Variants in CENPK observed in about 807,000 individuals in gnomAD.
CENPK encodes the protein centromere protein K.
Under a neutral mutation model 40.9 loss-of-function variants are expected in CENPK, and 46 were observed. That is an observed-to-expected ratio of 1.13 (90% CI 0.89 to 1.44). CENPK has a LOEUF of 1.44. Among genes scored for constraint, CENPK ranks in the 40% most tolerant of loss-of-function variants. The pLI is 0.00. For missense variants in CENPK, 288 were observed against 303.5 expected (o/e 0.95, Z 0.38); for synonymous variants, 107 against 104.4 (o/e 1.02, Z -0.15).
intron 6 of CENPK, among the ~76,000 whole-genome samples, chr5:65,538,521 T>C (rs1316112334): frequency 6.6e-6 from 1 of 152,186 alleles, no homozygotes; most frequent in Non-Finnish European, 1.5e-5. Flanking sequence ...TTCTCACTTT[T>C]ACTATACATT....
chr5:65,510,600 C>A, the CENPK span, among the ~76,000 whole-genome samples: 1 of 151,934 alleles, frequency 6.6e-6, no homozygotes, highest in African/African-American at 2.4e-5. Flanking sequence ...CATGGTGAGA[C>A]CCCGTTTCTA....
the CENPK span, among the ~76,000 whole-genome samples, chr5:65,503,861 T>C: frequency 1.3e-5 from 2 of 151,868 alleles, no homozygotes; most frequent in Non-Finnish European, 2.9e-5. Flanking sequence ...TTTCACCATA[T>C]TGGTCAGACT....
chr5:65,499,057 C>T, the CENPK span, among the ~76,000 whole-genome samples: 4 of 151,442 alleles, frequency 2.6e-5, no homozygotes, highest in African/African-American at 9.7e-5. Context: ...ATGAGGCCTC[C>T]CTTTATTGCC....
chr5:65,502,840 C>G, the CENPK span, among the ~76,000 whole-genome samples: 1 of 151,950 alleles, frequency 6.6e-6, no homozygotes, highest in Admixed American at 6.6e-5. Context: ...CAGTCTTGCT[C>G]TGTCACCCAG....
At chr5:65,553,084 G>GA (rs796945281) in intron 3 of CENPK, among the ~76,000 whole-genome samples, 95 of 151,876 alleles carry the variant, frequency 6.3e-4, no homozygotes, top group African/African-American at 2.3e-3. Flanking sequence ...CTTCTATACT[G>GA]AAAAAATACC....
At chr5:65,519,189 G>C (rs1014256210) in intron 10 of CENPK, among the ~76,000 whole-genome samples, 3 of 152,042 alleles carry the variant, frequency 2.0e-5, no homozygotes, top group African/African-American at 7.2e-5. Context: ...AATTATATAG[G>C]CTAGCATTTT....
intron 5 of CENPK, among the ~76,000 whole-genome samples, chr5:65,544,629 G>A (rs1221021616): frequency 1.9e-4 from 29 of 152,100 alleles, no homozygotes; most frequent in Non-Finnish European, 1.2e-4. Flanking sequence ...TGAAGCAACC[G>A]AAGTTTCCGT....
At chr5:65,504,619 G>A in the CENPK span, among the ~76,000 whole-genome samples, 3 of 151,988 alleles carry the variant, frequency 2.0e-5, no homozygotes, top group African/African-American at 7.2e-5. Flanking sequence ...ACTATGAATA[G>A]GCTAATACAA....
chr5:65,535,616 A>G (rs1380648317), intron 6 of CENPK, among the ~76,000 whole-genome samples: 1 of 152,216 alleles, frequency 6.6e-6, no homozygotes, highest in Non-Finnish European at 1.5e-5. Flanking sequence ...CACGTCACAC[A>G]TAGTTGCAGG....
At chr5:65,550,148 C>A (rs1319391324) in intron 5 of CENPK, among the ~76,000 whole-genome samples, 1 of 128,430 alleles carries the variant, frequency 7.8e-6, no homozygotes, top group Non-Finnish European at 1.6e-5. Context: ...AGCCTGAGGG[C>A]AGTGCAACAG....
intron 5 of CENPK, among the ~76,000 whole-genome samples, chr5:65,545,211 C>A (rs1441825477): frequency 6.6e-6 from 1 of 151,948 alleles, no homozygotes; most frequent in East Asian, 1.9e-4. Flanking sequence ...TAAATCCACA[C>A]ATTCAGGAAT....
chr5:65,532,910 C>CAA (rs60713724), intron 6 of CENPK, among the ~76,000 whole-genome samples: 688 of 36,974 alleles, frequency 0.019, 163 homozygotes, highest in East Asian at 0.077. Flanking sequence ...ACTCCATCTC[C>CAA]AAAAAAAAAA....
chr5:65,515,034 C>A (rs1314629367), downstream of CENPK, among the ~76,000 whole-genome samples: 1 of 151,518 alleles, frequency 6.6e-6, no homozygotes, highest in Non-Finnish European at 1.5e-5. Flanking sequence ...GTTTTTGTTT[C>A]AATTTTATTG....
chr5:65,545,382 G>T (rs897047911), intron 5 of CENPK, among the ~76,000 whole-genome samples: 1 of 127,484 alleles, frequency 7.8e-6, no homozygotes, highest in Non-Finnish European at 1.6e-5. Flanking sequence ...ACACACACAC[G>T]CCTTCTCTAT....
intron 9 of CENPK, among the ~76,000 whole-genome samples, chr5:65,527,996 T>C (rs997283021): frequency 6.6e-6 from 1 of 152,148 alleles, no homozygotes; most frequent in Admixed American, 6.5e-5. Flanking sequence ...ATCGTCCCAC[T>C]TGGGAGGCCG....
At chr5:65,542,876 C>A (rs1358118439) in intron 5 of CENPK, 28 bp from the exon 6 acceptor site, 30 of 1,581,380 alleles carry the variant, frequency 1.9e-5, no homozygotes, top group Non-Finnish European at 2.5e-5. Context: ...AACAAAGTTA[C>A]ACATATATTT....
chr5:65,540,748 A>G (rs1479129501), intron 6 of CENPK, among the ~76,000 whole-genome samples: 1 of 151,576 alleles, frequency 6.6e-6, no homozygotes, highest in Non-Finnish European at 1.5e-5. Flanking sequence ...TGGAAACTCC[A>G]TGTCCCTTCC....
At chr5:65,552,000 C>T (rs1750162983) in intron 4 of CENPK, among the ~76,000 whole-genome samples, 1 of 148,794 alleles carries the variant, frequency 6.7e-6, no homozygotes, top group Non-Finnish European at 1.5e-5. Flanking sequence ...TACTCTTTCG[C>T]CCAGGCTGGA....
At chr5:65,504,457 CAA>C in the CENPK span, among the ~76,000 whole-genome samples, 7 of 100,042 alleles carry the variant, frequency 7.0e-5, no homozygotes, top group East Asian at 2.8e-4. Flanking sequence ...AATTCCGTAT[CAA>C]AAAAAAAAAA....
Sources: allele counts gnomAD v4.1 joint callset (sites outside exome capture counted in the v4.1 genomes callset), GRCh38; gene constraint gnomAD v4.1.1; transcripts MANE v1.5; gene names NCBI Gene and HGNC (gene_info 2026-07-23, HGNC 2026-07-21).